Variants in ULK4 observed in about 807,000 individuals in gnomAD.
ULK4 encodes the protein unc-51 like kinase 4.
Under a neutral mutation model 160.6 loss-of-function variants are expected in ULK4, and 133 were observed. The observed-to-expected ratio is 0.83, with a 90% CI of 0.72 to 0.96. The LOEUF (loss-of-function observed/expected upper bound fraction) is 0.96, where lower values mean the gene tolerates loss of function less well. Ranked by LOEUF, ULK4 falls within the 40% of genes least tolerant of loss-of-function variation. The probability of loss-of-function intolerance (pLI) is 0.00; values close to 1 mark genes in which losing one functional copy is unlikely to be tolerated. For missense variants in ULK4, 1,580 were observed against 1,499.5 expected (o/e 1.05, Z -0.89); for synonymous variants, 534 against 539.8 (o/e 0.99, Z 0.15).
chr3:41,701,691 T>C (rs1575585302), intron 27 of ULK4, among the ~76,000 whole-genome samples: 1 of 152,164 alleles, frequency 6.6e-6, no homozygotes. Context: ...ATTAAAGTAG[T>C]GATAGTAAAG....
At chr3:41,459,960 C>T (rs1431981620) in intron 33 of ULK4, among the ~76,000 whole-genome samples, 3 of 152,114 alleles carry the variant, frequency 2.0e-5, no homozygotes, top group Non-Finnish European at 4.4e-5. Flanking sequence ...ACTATCAGGA[C>T]TATGGGCTAT....
rs141291786 is a variant in ULK4 at position 41,584,291 on chromosome 3, A to G, written c.3121-18161T>C. ...ATGGATCATAACATTTAGTGAAGATATAATAACTTTTTTCTTTTGAGAAAG... is the reference window on the plus strand; with the variant it reads ...ATGGATCATAACATTTAGTGAAGATGTAATAACTTTTTTCTTTTGAGAAAG... On this transcript the variant is annotated intron_variant, in intron 31 of 36. Transcript: ENST00000301831. Among the ~76,000 whole-genome samples the G allele has an allele frequency of 2.6e-5, 4 of 152,162 alleles. No homozygotes were observed. The South Asian group carries it at 8.3e-4, about 31-fold the overall frequency.
intron 16 of ULK4, among the ~76,000 whole-genome samples, chr3:41,888,150 CAAAA>C (rs144551192): frequency 0.029 from 4,404 of 151,444 alleles, 205 homozygotes; most frequent in African/African-American, 0.1. Flanking sequence ...GGAAAAGAAA[CAAAA>C]GAAAGAATAA....
chr3:41,756,202 C>T (rs996346893), intron 21 of ULK4, among the ~76,000 whole-genome samples: 3 of 152,140 alleles, frequency 2.0e-5, no homozygotes, highest in Admixed American at 2.0e-4. Flanking sequence ...GCCCAATTAA[C>T]CCCAAGCTCT....
chr3:41,757,548 T>C (rs2038845498), intron 21 of ULK4, among the ~76,000 whole-genome samples: 1 of 140,774 alleles, frequency 7.1e-6, no homozygotes, highest in South Asian at 2.4e-4. Context: ...AGGAGAATGG[T>C]GTGAACCCAG....
intron 17 of ULK4, among the ~76,000 whole-genome samples, chr3:41,864,386 TTG>T (rs1382102897): frequency 1.4e-5 from 2 of 139,696 alleles, no homozygotes; most frequent in Admixed American, 1.4e-4. Flanking sequence ...TTGTTTTGTT[TTG>T]TTTTTGGTGC....
intron 30 of ULK4, among the ~76,000 whole-genome samples, chr3:41,647,156 G>C (rs1480046726): frequency 6.6e-6 from 1 of 152,150 alleles, no homozygotes; most frequent in Non-Finnish European, 1.5e-5. Context: ...CTGTAGCTCG[G>C]AGTAGTTTGA....
chr3:41,267,026 G>GC (rs2079049022), intron 35 of ULK4, among the ~76,000 whole-genome samples: 1 of 143,310 alleles, frequency 7.0e-6, no homozygotes. Flanking sequence ...ATTGGGGGGG[G>GC]GGGGTTTAAG....
At chr3:41,353,733 TA>T (rs2080969507) in intron 35 of ULK4, among the ~76,000 whole-genome samples, 3 of 149,276 alleles carry the variant, frequency 2.0e-5, no homozygotes, top group South Asian at 4.2e-4. Context: ...CTACTACTAC[TA>T]CTACTACTAC....
chr3:41,832,546 A>T (rs2041626803), intron 18 of ULK4, among the ~76,000 whole-genome samples: 1 of 152,196 alleles, frequency 6.6e-6, no homozygotes, highest in African/African-American at 2.4e-5. Context: ...TAGTTTAATT[A>T]GATCCCATTT....
intron 21 of ULK4, among the ~76,000 whole-genome samples, chr3:41,760,126 T>C (rs572025809): frequency 6.6e-6 from 1 of 152,124 alleles, no homozygotes; most frequent in South Asian, 2.1e-4. Context: ...GAACAAAATA[T>C]TTAAACAGAC....
chr3:41,910,223 G>C (rs13088394), intron 11 of ULK4, among the ~76,000 whole-genome samples: 59 of 152,150 alleles, frequency 3.9e-4, no homozygotes, highest in African/African-American at 1.4e-3. Context: ...TAATGCATTG[G>C]TCCTAATTAC....
At chr3:41,485,199 T>A (rs758065331) in intron 32 of ULK4, among the ~76,000 whole-genome samples, 3 of 152,192 alleles carry the variant, frequency 2.0e-5, no homozygotes, top group Non-Finnish European at 4.4e-5. Flanking sequence ...ATTACCCATT[T>A]TGCAAGACTG....
At chr3:41,577,440 G>C (rs2088229213) in intron 31 of ULK4, among the ~76,000 whole-genome samples, 1 of 152,080 alleles carries the variant, frequency 6.6e-6, no homozygotes, top group African/African-American at 2.4e-5. Context: ...AGGGGAAATG[G>C]GGGTATCCAT....
intron 34 of ULK4, among the ~76,000 whole-genome samples, chr3:41,436,756 G>C (rs2083046414): frequency 6.6e-6 from 1 of 152,160 alleles, no homozygotes; most frequent in African/African-American, 2.4e-5. Flanking sequence ...AAGGGCTGCT[G>C]CTGGTGACAA....
chr3:41,776,779 A>G (rs981993363), intron 21 of ULK4, among the ~76,000 whole-genome samples: 80 of 93,808 alleles, frequency 8.5e-4, no homozygotes, highest in African/African-American at 3.8e-3. Context: ...AGCCCACTTG[A>G]TCATGGTGGA....
chr3:41,715,135 AC>A (rs1487341196), intron 25 of ULK4, 101 bp downstream of exon 25: 2 of 1,199,720 alleles, frequency 1.7e-6, no homozygotes, highest in Non-Finnish European at 2.4e-6. Flanking sequence ...ACAAATAAAT[AC>A]CAACAGGATT....
chr3:41,277,352 C>T (rs1312042505), intron 35 of ULK4, among the ~76,000 whole-genome samples: 1 of 152,136 alleles, frequency 6.6e-6, no homozygotes, highest in African/African-American at 2.4e-5. Context: ...AAATCCTTAA[C>T]AAAATACTAG....
chr3:41,867,396 G>C (rs976537875), intron 17 of ULK4, among the ~76,000 whole-genome samples: 8 of 152,192 alleles, frequency 5.3e-5, no homozygotes, highest in Admixed American at 3.9e-4. Context: ...TGTTGTTTTG[G>C]GGGGGCAAGG....
Sources: allele counts gnomAD v4.1 joint callset (sites outside exome capture counted in the v4.1 genomes callset), GRCh38; gene constraint gnomAD v4.1.1; transcripts MANE v1.5; gene names NCBI Gene and HGNC (gene_info 2026-07-23, HGNC 2026-07-21).